The following RGL1 variants were observed in gnomAD, a reference collection of about 807,000 sequenced individuals.
RGL1 encodes the protein ral guanine nucleotide dissociation stimulator-like 1.
In RGL1, 24 loss-of-function variants were observed where a neutral mutation model predicts 95.2. The ratio of observed to expected loss-of-function variants is 0.25; its 90% CI spans 0.18 to 0.35. The LOEUF (loss-of-function observed/expected upper bound fraction) is 0.35, where lower values mean the gene tolerates loss of function less well. RGL1 is among the 10% of genes least tolerant of loss of function. The probability of loss-of-function intolerance (pLI) is 1.00; values close to 1 mark genes in which losing one functional copy is unlikely to be tolerated. For missense variants in RGL1, 715 were observed against 936.3 expected, an observed-to-expected ratio of 0.76 and a Z score of 3.08; for synonymous variants, 329 against 344.9, an observed-to-expected ratio of 0.95 and a Z score of 0.51.
chr1:183,900,387 A>G (rs1271888023), intron 11 of RGL1, 151 bp downstream of exon 11: 2 of 567,650 alleles, frequency 3.5e-6, no homozygotes, highest in East Asian at 5.8e-5. Context: ...AACACCAAAG[A>G]CTAACACCAG....
intron 9 of RGL1, among the ~76,000 whole-genome samples, chr1:183,892,768 C>G (rs1282083348): frequency 2.0e-5 from 3 of 152,148 alleles, no homozygotes; most frequent in African/African-American, 7.2e-5. Flanking sequence ...AGTTTACCAT[C>G]TAATTGGGGT....
intron 1 of RGL1, among the ~76,000 whole-genome samples, chr1:183,711,969 G>C (rs1052834476): frequency 6.6e-6 from 1 of 152,182 alleles, no homozygotes; most frequent in Non-Finnish European, 1.5e-5. Context: ...TATAAATCTA[G>C]AGTAGCAGTG....
intron 1 of RGL1, among the ~76,000 whole-genome samples, chr1:183,643,666 G>C (rs1045373517): frequency 1.3e-5 from 2 of 151,846 alleles, no homozygotes; most frequent in African/African-American, 2.4e-5. Flanking sequence ...GCCCAGGCTG[G>C]TCTTTAACTC....
At chr1:183,885,176 T>C (rs1667045391) in intron 7 of RGL1, among the ~76,000 whole-genome samples, 1 of 152,246 alleles carries the variant, frequency 6.6e-6, no homozygotes, top group Non-Finnish European at 1.5e-5. Context: ...TTCCCAGTTA[T>C]GGGCTCTCAC....
intron 1 of RGL1, among the ~76,000 whole-genome samples, chr1:183,664,794 T>A (rs555117958): frequency 2.8e-4 from 43 of 152,268 alleles, no homozygotes; most frequent in African/African-American, 1.0e-3. Context: ...CGGTCAATTC[T>A]TTTTGGATTG....
At chr1:183,893,767 TC>T in intron 9 of RGL1, among the ~76,000 whole-genome samples, 1 of 152,194 alleles carries the variant, frequency 6.6e-6, no homozygotes, top group East Asian at 1.9e-4. Flanking sequence ...TATCACTTGC[TC>T]TGTTGCAACT....
intron 1 of RGL1, among the ~76,000 whole-genome samples, chr1:183,735,709 A>C (rs1016348854): frequency 2.6e-5 from 4 of 152,230 alleles, no homozygotes; most frequent in Admixed American, 1.3e-4. Context: ...TATTACTACG[A>C]AATTATCTAA....
chr1:183,900,120 A>T (rs1667932510), intron 10 of RGL1, 30 bp from the exon 11 acceptor site: 1 of 1,584,366 alleles, frequency 6.3e-7, no homozygotes, highest in African/African-American at 1.3e-5. Flanking sequence ...CAATGACAAT[A>T]AAGACAGTTT....
At chr1:183,827,008 C>T (rs147980627) in intron 2 of RGL1, among the ~76,000 whole-genome samples, 24 of 152,198 alleles carry the variant, frequency 1.6e-4, no homozygotes, top group Non-Finnish European at 3.1e-4. Context: ...CTACAACCTC[C>T]GCCTCCCAGG....
At chr1:183,713,262 G>A (rs923190607) in intron 1 of RGL1, among the ~76,000 whole-genome samples, 1 of 151,530 alleles carries the variant, frequency 6.6e-6, no homozygotes, top group Admixed American at 6.6e-5. Context: ...CTGACCTCAG[G>A]TGATCCTTGG....
chr1:183,923,850 C>T (rs1176975308), intron 17 of RGL1, among the ~76,000 whole-genome samples: 3 of 152,186 alleles, frequency 2.0e-5, no homozygotes, highest in Non-Finnish European at 4.4e-5. Context: ...CACTTGGAAC[C>T]TGCTCATATC....
At chr1:183,876,363 A>G (rs180899365) in intron 4 of RGL1, among the ~76,000 whole-genome samples, 133 of 152,352 alleles carry the variant, frequency 8.7e-4, no homozygotes, top group African/African-American at 2.8e-3. Flanking sequence ...CACACACTAC[A>G]AAGTTTTGTA....
At chr1:183,648,365 A>G (rs1251793110) in intron 1 of RGL1, 3 of 1,614,244 alleles carry the variant, frequency 1.9e-6, no homozygotes, top group South Asian at 2.2e-5. Context: ...TCAGGAAATT[A>G]TACATTTTGC....
chr1:183,798,796 A>G (rs1660826207), intron 2 of RGL1, among the ~76,000 whole-genome samples: 1 of 150,406 alleles, frequency 6.6e-6, no homozygotes, highest in Non-Finnish European at 1.5e-5. Flanking sequence ...GAGACCATAC[A>G]GTATTTGTCT....
At chr1:183,666,011 T>C (rs1047694082) in intron 1 of RGL1, among the ~76,000 whole-genome samples, 9 of 149,272 alleles carry the variant, frequency 6.0e-5, no homozygotes, top group Middle Eastern at 3.4e-3. Flanking sequence ...TTTTCTTTTT[T>C]TTTTTTTTTT....
Position 183,916,695 on chromosome 1 carries a change from C to A in RGL1, c.1998C>A (p.Ser666Arg), listed in dbSNP as rs2102745020. ...VEDNNGNMYKSIMLTSQDKTP... is the reference protein window; with the variant it reads ...VEDNNGNMYKRIMLTSQDKTP... ...ACAATAACGGCAACATGTACAAGAG[C>A]ATCATGGTGAGGAGCAAGCCCTGAC... is the stretch of plus-strand genomic sequence containing the variant. Residue 666 changes from serine to arginine, a missense_variant, in exon 16 of 18, where the codon AGC (serine) becomes AGA (arginine). By Grantham distance (110) the Ser-to-Arg change is moderately radical. This residue lies in a region of RGL1 where 330 missense variants were observed against 429.6 expected (regional missense o/e 0.77). Coordinates refer to ENST00000360851, the MANE Select transcript of RGL1 (RefSeq NM_001297671.3). 6.2e-7 allele frequency: 1 copy of A among 1,611,872 alleles called. No homozygotes were observed. The highest frequency in any genetic ancestry group is 1.3e-5 in the African/African-American group (1 of 74,996).
chr1:183,823,006 A>G lies in RGL1; in HGVS notation c.138+16521A>G, dbSNP rs574375780. ...TCACTCAAATTCTAGCTCAAATGTT[A>G]CTTCTGTGAGTCCTCTCTGGTTTCT... is the stretch of plus-strand genomic sequence containing the variant. On this transcript the variant is annotated intron_variant, in intron 2 of 17. Transcript: ENST00000360851. 2.6e-5 allele frequency among the ~76,000 whole-genome samples: 4 copies of G among 152,306 alleles called. No individual in the cohort carries two copies. In the East Asian group the frequency reaches 7.7e-4, roughly 29 times the overall value.
intron 1 of RGL1, among the ~76,000 whole-genome samples, chr1:183,714,594 A>G (rs1655499409): frequency 6.6e-6 from 1 of 152,186 alleles, no homozygotes; most frequent in Non-Finnish European, 1.5e-5. Context: ...TGAGGAAACC[A>G]AAGCCCTGTG....
At chr1:183,824,187 C>T (rs1430505864) in intron 2 of RGL1, among the ~76,000 whole-genome samples, 1 of 152,112 alleles carries the variant, frequency 6.6e-6, no homozygotes, top group Non-Finnish European at 1.5e-5. Flanking sequence ...AACTACCCAT[C>T]CGTTGTTTTC....
Sources: allele counts gnomAD v4.1 joint callset (sites outside exome capture counted in the v4.1 genomes callset), GRCh38; gene constraint gnomAD v4.1.1; regional missense constraint gnomAD v4.1.1; transcripts MANE v1.5; gene names NCBI Gene and HGNC (gene_info 2026-07-23, HGNC 2026-07-21).